The following ZCCHC7 variants were observed in gnomAD, a reference collection of about 807,000 sequenced individuals.
ZCCHC7 encodes zinc finger CCHC domain-containing protein 7.
A neutral mutation model predicts 52.0 loss-of-function variants in ZCCHC7; 35 were observed. That is an observed-to-expected ratio of 0.67 (90% confidence interval 0.51 to 0.89). The LOEUF (loss-of-function observed/expected upper bound fraction) is 0.89. Among genes scored for constraint, ZCCHC7 ranks in the 40% least tolerant of loss-of-function variants. The pLI is 0.00. For missense variants in ZCCHC7, 574 were observed against 649.1 expected (o/e 0.88, Z 1.26); for synonymous variants, 217 against 221.5 (o/e 0.98, Z 0.18).
intron 2 of ZCCHC7, among the ~76,000 whole-genome samples, chr9:37,206,025 G>T (rs1222851986): frequency 2.0e-5 from 3 of 151,782 alleles, no homozygotes; most frequent in Admixed American, 1.3e-4. Context: ...AACGTCATTT[G>T]TTCTAAAATC....
At chr9:37,312,329 C>T (rs987618906) in intron 5 of ZCCHC7, among the ~76,000 whole-genome samples, 73 of 152,090 alleles carry the variant, frequency 4.8e-4, no homozygotes, top group African/African-American at 1.6e-3. Flanking sequence ...CTCTTATATG[C>T]CAGACAGTAT....
At chr9:37,323,389 G>C (rs561257995) in intron 5 of ZCCHC7, among the ~76,000 whole-genome samples, 1 of 152,176 alleles carries the variant, frequency 6.6e-6, no homozygotes, top group South Asian at 2.1e-4. Context: ...AAGCTTGTCA[G>C]TTTCCCTGAT....
intron 2 of ZCCHC7, among the ~76,000 whole-genome samples, chr9:37,262,840 G>A (rs1826931342): frequency 1.3e-5 from 2 of 151,870 alleles, no homozygotes; most frequent in African/African-American, 4.8e-5. Context: ...TGAGATTTTT[G>A]CCCCATTACT....
intron 2 of ZCCHC7, among the ~76,000 whole-genome samples, chr9:37,184,856 G>A (rs566696079): frequency 3.9e-4 from 59 of 152,156 alleles, no homozygotes; most frequent in African/African-American, 1.2e-3. Context: ...TTGTTTTTAC[G>A]TATGAATGTT....
At chr9:37,203,245 G>A (rs976072897) in intron 2 of ZCCHC7, among the ~76,000 whole-genome samples, 4 of 152,084 alleles carry the variant, frequency 2.6e-5, no homozygotes, top group Non-Finnish European at 4.4e-5. Flanking sequence ...ATTTTGGTTT[G>A]TTTAAATGAG....
At chr9:37,216,706 A>T (rs766583970) in intron 2 of ZCCHC7, among the ~76,000 whole-genome samples, 5 of 152,166 alleles carry the variant, frequency 3.3e-5, no homozygotes, top group Non-Finnish European at 5.9e-5. Context: ...TAAAAAGTGT[A>T]TCTTATAGGG....
intron 2 of ZCCHC7, among the ~76,000 whole-genome samples, chr9:37,178,801 A>G (rs949669093): frequency 1.2e-4 from 18 of 152,220 alleles, no homozygotes; most frequent in African/African-American, 4.3e-4. Context: ...TTTTGAAGGC[A>G]TTTTAGAAAT....
chr9:37,235,557 C>A (rs1825610660), intron 2 of ZCCHC7, among the ~76,000 whole-genome samples: 1 of 109,570 alleles, frequency 9.1e-6, no homozygotes, highest in African/African-American at 3.4e-5. Flanking sequence ...CCCTCCCCTC[C>A]CCTCCCTTCC....
intron 2 of ZCCHC7, among the ~76,000 whole-genome samples, chr9:37,263,233 C>T (rs1327243466): frequency 1.3e-5 from 2 of 152,054 alleles, no homozygotes; most frequent in Non-Finnish European, 2.9e-5. Flanking sequence ...CTTAACAAAA[C>T]TTTAATACCA....
Position 37,150,251 on chromosome 9 carries a change from T to A in ZCCHC7, c.610+23309T>A, listed in dbSNP as rs568795427. Among the ~76,000 whole-genome samples, 5 of 152,330 alleles carry A rather than the reference T, an allele frequency of 3.3e-5. No individual in the cohort carries two copies. In the South Asian group the frequency reaches 1.0e-3, roughly 32 times the overall value. On this transcript the variant is annotated intron_variant, in intron 2 of 8. Coordinates refer to ENST00000336755, the MANE Select transcript of ZCCHC7 (RefSeq NM_032226.3). ...CCACAGTATTTTACTTTCTCATTGA[T>A]CTTCTAGATGTTGAATCCGTAAGGT... is the stretch of plus-strand genomic sequence containing the variant.
intron 2 of ZCCHC7, among the ~76,000 whole-genome samples, chr9:37,130,010 G>T (rs557019833): frequency 1.1e-4 from 17 of 152,216 alleles, no homozygotes; most frequent in Admixed American, 1.1e-3. Context: ...AGGCCGAGGC[G>T]GGTGGATCAC....
chr9:37,260,298 C>G (rs764836219), intron 2 of ZCCHC7, among the ~76,000 whole-genome samples: 1 of 152,218 alleles, frequency 6.6e-6, no homozygotes, highest in Non-Finnish European at 1.5e-5. Flanking sequence ...GGGCTCAGTC[C>G]TGGCCACTGC....
At chr9:37,304,754 T>C (rs928865046) in intron 4 of ZCCHC7, among the ~76,000 whole-genome samples, 2 of 152,196 alleles carry the variant, frequency 1.3e-5, no homozygotes, top group African/African-American at 4.8e-5. Flanking sequence ...TACAGCCTAG[T>C]GTCGGAGAAA....
intron 2 of ZCCHC7, among the ~76,000 whole-genome samples, chr9:37,182,615 C>T (rs1822425652): frequency 6.6e-6 from 1 of 152,140 alleles, no homozygotes; most frequent in African/African-American, 2.4e-5. Flanking sequence ...ATCCGTCCAC[C>T]TCAGCCTCCC....
In ZCCHC7 at chr9:37,327,829, C is replaced by G. The variant is rs201388811; in HGVS notation, c.982C>G (p.Leu328Val). Residue 328 changes from leucine to valine, a missense_variant, in exon 6 of 9, where the codon CTA becomes GTA. Transcript: ENST00000336755. The part of the protein sequence containing the change: ...ACTEIWRQYH[L>V]TTKPGPPKKP... ...CACAGAAATCTGGAGGCAGTATCAC[C>G]TAACGGTGAGTAGAAACACCTTTTT... 14 of 1,613,048 alleles carry G rather than the reference C, an allele frequency of 8.7e-6. No homozygotes were observed. Among genetic ancestry groups the G allele is most frequent in the Admixed American group, 6.7e-5 (4 of 59,948 alleles).
At chr9:37,131,005 C>G (rs1423717684) in intron 2 of ZCCHC7, among the ~76,000 whole-genome samples, 1 of 151,762 alleles carries the variant, frequency 6.6e-6, no homozygotes, top group Non-Finnish European at 1.5e-5. Context: ...GTGAAAACTT[C>G]AGACTCTCCC....
At chr9:37,141,668 ATAT>A (rs1185436096) in intron 2 of ZCCHC7, among the ~76,000 whole-genome samples, 1 of 151,900 alleles carries the variant, frequency 6.6e-6, no homozygotes, top group African/African-American at 2.4e-5. Context: ...TTTAATTTAA[ATAT>A]TATTGTATAT....
At chr9:37,313,827 G>C (rs988623128) in intron 5 of ZCCHC7, among the ~76,000 whole-genome samples, 3 of 152,158 alleles carry the variant, frequency 2.0e-5, no homozygotes, top group African/African-American at 7.2e-5. Flanking sequence ...CATGCTTCCT[G>C]TTAAGCCTGT....
Position 37,181,772 on chromosome 9 carries a change from G to T in ZCCHC7, c.610+54830G>T, listed in dbSNP as rs572401034. The stretch of plus-strand genomic sequence containing the variant: ...TGTGGGATATATGGAAGATGTTCTG[G>T]ATTATGGTTGCACAACTTTGTGAAT... On this transcript the variant is annotated intron_variant, in intron 2 of 8. Transcript: ENST00000336755. 3.3e-5 allele frequency among the ~76,000 whole-genome samples: 5 copies of T among 152,336 alleles called. No individual in the cohort carries two copies. In the South Asian group the frequency reaches 8.3e-4, roughly 25 times the overall value.
Sources: gnomAD v4.1 joint callset for allele counts (sites outside exome capture counted in the v4.1 genomes callset) on GRCh38, gnomAD v4.1.1 for gene constraint, MANE v1.5 for transcripts, NCBI Gene and HGNC (gene_info 2026-07-23, HGNC 2026-07-21) for gene names.